Variants in RIMBP2 observed in about 807,000 individuals in gnomAD.
RIMBP2 encodes the protein RIMS-binding protein 2.
RIMBP2 carries 48 observed loss-of-function variants against 118.6 expected under a neutral mutation model. The observed-to-expected ratio is 0.40, with a 90% CI of 0.32 to 0.51. The LOEUF is 0.51. Among genes scored for constraint, RIMBP2 ranks in the 20% least tolerant of loss-of-function variants. The pLI is 0.41. For missense variants in RIMBP2, 1,551 were observed against 1,768.3 expected, an observed-to-expected ratio of 0.88 and a Z score of 2.20; for synonymous variants, 762 against 742.9, an observed-to-expected ratio of 1.03 and a Z score of -0.42.
At chr12:130,492,985 G>A (rs80120048) in intron 4 of RIMBP2, among the ~76,000 whole-genome samples, 7,530 of 152,090 alleles carry the variant, frequency 0.05, 652 homozygotes, top group African/African-American at 0.17. Flanking sequence ...CAAAAAATTA[G>A]CCAAATGTGG....
chr12:130,445,468 G>A (rs2078450147), intron 9 of RIMBP2, among the ~76,000 whole-genome samples, 199 bp from the exon 10 acceptor site: 2 of 152,176 alleles, frequency 1.3e-5, no homozygotes, highest in South Asian at 4.1e-4. Context: ...CAGATTTAAA[G>A]TAAAAATGCA....
intron 21 of RIMBP2, among the ~76,000 whole-genome samples, chr12:130,405,535 C>T (rs1307709054): frequency 1.3e-5 from 2 of 152,134 alleles, no homozygotes; most frequent in Non-Finnish European, 2.9e-5. Flanking sequence ...TGTAAAGATG[C>T]CCCAGCTGCG....
chr12:130,527,866 A>G (rs971539407), intron 2 of RIMBP2, among the ~76,000 whole-genome samples: 1 of 152,256 alleles, frequency 6.6e-6, no homozygotes, highest in Non-Finnish European at 1.5e-5. Flanking sequence ...ATCATTACAG[A>G]AATGCAAATT....
chr12:130,646,880 G>C (rs1165608664), intron 1 of RIMBP2, among the ~76,000 whole-genome samples: 1 of 152,220 alleles, frequency 6.6e-6, no homozygotes, highest in East Asian at 1.9e-4. Context: ...CATGACAGTG[G>C]GTGAGGACGC....
Position 130,431,410 on chromosome 12 carries a change from C to A in RIMBP2, c.2254-3073G>T. On this transcript the variant is annotated intron_variant, in intron 14 of 22. Coordinates refer to ENST00000690449, the MANE Select transcript of RIMBP2 (RefSeq NM_001393629.1). The surrounding 1 kb of genome is among the most constrained non-coding windows in gnomAD (Gnocchi z 4.0). ...GCACCAGCTCAACTTCAGTCACTCC[C>A]TACCACTGTCATGATGCGTCACCTA... 1 of 405,440 alleles carries A rather than the reference C, an allele frequency of 2.5e-6. No individual in the cohort carries two copies. The highest frequency in any genetic ancestry group is 5.1e-6 in the Non-Finnish European group (1 of 196,020). 25.1% of individuals were successfully genotyped at this position (405,440 alleles called of 1,614,324 possible). A position where few individuals can be genotyped will look rare whatever the true frequency, so the allele number is the denominator to read the frequency against.
At chr12:130,457,061 C>T (rs1327260461) in intron 6 of RIMBP2, among the ~76,000 whole-genome samples, 2 of 152,144 alleles carry the variant, frequency 1.3e-5, no homozygotes, top group Non-Finnish European at 2.9e-5. Context: ...CTGGGCTGTG[C>T]GTGCAGCCCG....
At chr12:130,558,729 A>C (rs931407531) in intron 2 of RIMBP2, among the ~76,000 whole-genome samples, 2 of 152,226 alleles carry the variant, frequency 1.3e-5, no homozygotes, top group Admixed American at 1.3e-4. Flanking sequence ...CAAGACCTGC[A>C]AGGGCATCTG....
chr12:130,444,722 G>A (rs2078390116), intron 10 of RIMBP2, among the ~76,000 whole-genome samples: 1 of 152,196 alleles, frequency 6.6e-6, no homozygotes, highest in Non-Finnish European at 1.5e-5. Context: ...GGAGATGGAT[G>A]GCCTTCCACA....
At chr12:130,671,155 G>A (rs2064178416) in intron 1 of RIMBP2, among the ~76,000 whole-genome samples, 1 of 152,100 alleles carries the variant, frequency 6.6e-6, no homozygotes, top group African/African-American at 2.4e-5. Context: ...GTGGTGCCTG[G>A]AGCTACAGCA....
intron 14 of RIMBP2, among the ~76,000 whole-genome samples, chr12:130,433,642 T>A (rs1003146238): frequency 5.9e-5 from 9 of 152,174 alleles, no homozygotes; most frequent in African/African-American, 2.2e-4. Context: ...GTGACCTCAG[T>A]CTGCTCAGCG....
intron 1 of RIMBP2, among the ~76,000 whole-genome samples, chr12:130,663,775 A>C (rs2063755283): frequency 1.3e-5 from 2 of 151,776 alleles, no homozygotes; most frequent in Admixed American, 1.3e-4. Flanking sequence ...CCTGACTGGC[A>C]ACCCTGCTTC....
chr12:130,438,334 A>T, intron 12 of RIMBP2, 31 bp downstream of exon 12: 2 of 1,344,514 alleles, frequency 1.5e-6, no homozygotes, highest in Non-Finnish European at 2.1e-6. Flanking sequence ...GGGCCTAACA[A>T]ACCCTCCCCA....
intron 3 of RIMBP2, among the ~76,000 whole-genome samples, chr12:130,509,703 C>T (rs1593583283): frequency 6.6e-6 from 1 of 151,594 alleles, no homozygotes; most frequent in African/African-American, 2.4e-5. Context: ...ACCTCCTTTG[C>T]AGGTGTCCTG....
At chr12:130,455,092 GT>G (rs2079310626) in intron 7 of RIMBP2, among the ~76,000 whole-genome samples, 1 of 152,254 alleles carries the variant, frequency 6.6e-6, no homozygotes, top group African/African-American at 2.4e-5. Flanking sequence ...GTCTCAGTGG[GT>G]TTCCCAGAGC....
chr12:130,700,694 T>C (rs2065815334), intron 1 of RIMBP2, among the ~76,000 whole-genome samples: 1 of 152,200 alleles, frequency 6.6e-6, no homozygotes, highest in South Asian at 2.1e-4. Flanking sequence ...TCTCAGACTT[T>C]CGCGTTCAGA....
chr12:130,687,677 A>G (rs2065121406), intron 1 of RIMBP2, among the ~76,000 whole-genome samples: 1 of 152,236 alleles, frequency 6.6e-6, no homozygotes, highest in Admixed American at 6.5e-5. Flanking sequence ...AAGGTAAGGA[A>G]GAAAATGCTT....
chr12:130,676,912 C>T (rs937867188), intron 1 of RIMBP2, among the ~76,000 whole-genome samples: 3 of 152,046 alleles, frequency 2.0e-5, no homozygotes, highest in African/African-American at 4.8e-5. Flanking sequence ...TTAGGGGTGA[C>T]GGGAAAAAGC....
intron 2 of RIMBP2, among the ~76,000 whole-genome samples, chr12:130,619,059 C>G (rs1370089073): frequency 6.6e-6 from 1 of 152,186 alleles, no homozygotes; most frequent in Non-Finnish European, 1.5e-5. Flanking sequence ...AGCAAGCAAC[C>G]TTCAAATTAT....
chr12:130,602,299 C>T (rs1328947254), intron 2 of RIMBP2, among the ~76,000 whole-genome samples: 1 of 152,192 alleles, frequency 6.6e-6, no homozygotes, highest in African/African-American at 2.4e-5. Flanking sequence ...ACTCTGCCGC[C>T]CATCTCTCTC....
Sources: gnomAD v4.1 joint callset for allele counts (sites outside exome capture counted in the v4.1 genomes callset) on GRCh38, gnomAD v4.1.1 for gene constraint, Gnocchi (gnomAD v3.1) non-coding constraint, MANE v1.5 for transcripts, NCBI Gene and HGNC (gene_info 2026-07-23, HGNC 2026-07-21) for gene names.